CLDN5: variants seen among roughly 807,000 people sequenced by gnomAD.
CLDN5 encodes the protein claudin-5.
CLDN5 carries 4 observed loss-of-function variants against 1.3 expected under a neutral mutation model. The observed-to-expected ratio is 3.07, with a 90% CI of 1.51 to 7.03. CLDN5 has a LOEUF of 7.03. Ranked by LOEUF, CLDN5 falls within the 30% of genes most tolerant of loss-of-function variation. The pLI, the probability that CLDN5 is intolerant of heterozygous loss-of-function variation, is 0.00. For synonymous variants in CLDN5, 156 were observed against 152.3 expected, an observed-to-expected ratio of 1.02 and a Z score of -0.18; for missense variants, 225 against 303.5, an observed-to-expected ratio of 0.74 and a Z score of 1.92.
upstream of CLDN5, chr22:19,524,722 A>G: frequency 1.5e-6 from 2 of 1,294,058 alleles, no homozygotes; most frequent in Non-Finnish European, 2.0e-6. Flanking sequence ...GTCACTTCAG[A>G]AGGCGCTCGA....
upstream of CLDN5, chr22:19,525,004 C>T (rs973675423): frequency 1.0e-6 from 1 of 1,004,542 alleles, no homozygotes; most frequent in Non-Finnish European, 1.2e-6. Context: ...GCCAGGCAGG[C>T]GTGTGGAGGT....
chr22:19,523,643 G>C lies in CLDN5; in HGVS notation c.613C>G (p.Arg205Gly), dbSNP rs1380411787. 6.2e-7 allele frequency: 1 copy of C among 1,601,158 alleles called. No individual in the cohort carries two copies. The highest frequency in any genetic ancestry group is 1.3e-5 in the African/African-American group (1 of 74,802). The stretch of plus-strand genomic sequence containing the variant: ...TCGTAGTCGCCGGTGGCCGTGGGCC[G>C]CCGCGGCGCTGAGTACTTCACGGGG... Reference protein sequence around the residue: ...SFPVKYSAPRRPTATGDYDKK... With the variant: ...SFPVKYSAPRGPTATGDYDKK... The change falls in exon 1 of 1, where the codon CGG (arginine) becomes GGG (glycine). Residue 205 changes from arginine (R) to glycine (G), a missense_variant. This residue lies in a region of CLDN5 where 165 missense variants were observed against 211.9 expected (regional missense o/e 0.78). Coordinates refer to ENST00000618236, the MANE Select transcript of CLDN5 (RefSeq NM_001363066.2).
Position 19,523,911 on chromosome 22 carries a change from C to T in CLDN5, c.345G>A (p.Ala115=). The T allele has an allele frequency of 1.2e-6, 2 of 1,602,298 alleles. No homozygotes were observed. Among genetic ancestry groups the T allele is most frequent in the Non-Finnish European group, 1.7e-6 (2 of 1,177,282 alleles). The change falls in exon 1 of 1, where the codon GCG becomes GCA. Residue 115 remains alanine, a synonymous_variant. Coordinates refer to ENST00000618236, the MANE Select transcript of CLDN5 (RefSeq NM_001363066.2). ...GCACGCCTCCCGTGAGGGCCACACG[C>T]GCCTTGGCCGGGCCCGGGGCCACGC... ...TTCVAPGPAK[A]RVALTGGVLY...
chr22:19,523,524 A>C lies in CLDN5; in HGVS notation c.*75T>G. ...CGCTACCCGGCGGAAGCCGCGGTCCATGCGGGGCTCCCCAGGCTTATCCAA... is the reference window on the plus strand; with the variant it reads ...CGCTACCCGGCGGAAGCCGCGGTCCCTGCGGGGCTCCCCAGGCTTATCCAA... On this transcript the variant is annotated 3_prime_UTR_variant, in exon 1 of 1. Coordinates refer to ENST00000618236, the MANE Select transcript of CLDN5 (RefSeq NM_001363066.2). 1 of 1,481,140 alleles carries C rather than the reference A, an allele frequency of 6.8e-7. No individual in the cohort carries two copies. Among genetic ancestry groups the C allele is most frequent in the Non-Finnish European group, 8.9e-7 (1 of 1,124,496 alleles). 91.7% of individuals were successfully genotyped at this position (1,481,140 alleles called of 1,614,324 possible).
Position 19,523,709 on chromosome 22 carries a change from A to G in CLDN5, c.547T>C (p.Cys183Arg), listed in dbSNP as rs1176317662. The change falls in exon 1 of 1, where the codon TGC becomes CGC. Residue 183 changes from cysteine (C) to arginine (R), a missense_variant. This residue lies in a region of CLDN5 where 165 missense variants were observed against 211.9 expected (regional missense o/e 0.78). Coordinates refer to ENST00000618236, the MANE Select transcript of CLDN5 (RefSeq NM_001363066.2). The stretch of plus-strand genomic sequence containing the variant: ...CGGCCGGTGCAGACCCAGGCGCCGC[A>G]GCACAAGAGGCAGCCGCCTACCATG... ...LLMVGGCLLC[C>R]GAWVCTGRPD... is the part of the protein sequence containing the mutation. 1 of 1,607,592 alleles carries G rather than the reference A, an allele frequency of 6.2e-7. No individual in the cohort carries two copies. Among genetic ancestry groups the G allele is most frequent in the East Asian group, 2.2e-5 (1 of 44,758 alleles).
Position 19,523,707 on chromosome 22 carries a change from G to C in CLDN5, c.549C>G (p.Cys183Trp). The C allele has an allele frequency of 6.2e-7, 1 of 1,607,326 alleles. No homozygotes were observed. The highest frequency in any genetic ancestry group is 8.5e-7 in the Non-Finnish European group (1 of 1,178,796). ...GACGGCCGGTGCAGACCCAGGCGCC[G>C]CAGCACAAGAGGCAGCCGCCTACCA... Reference protein sequence around the residue: ...LLMVGGCLLCCGAWVCTGRPD... With the variant: ...LLMVGGCLLCWGAWVCTGRPD... Residue 183 changes from cysteine (C) to tryptophan (W), a missense_variant, in exon 1 of 1, where the codon TGC becomes TGG. Cys to Trp is a radical substitution (Grantham distance 215). This residue lies in a region of CLDN5 where 165 missense variants were observed against 211.9 expected (regional missense o/e 0.78). Transcript: ENST00000618236.
At chr22:19,524,618 A>C (rs975676022), upstream of CLDN5, 23 of 1,265,018 alleles carry the variant, frequency 1.8e-5, 1 homozygote, top group South Asian at 4.8e-4. Context: ...AGCCGCCCCC[A>C]GCCCCACCCG....
At chr22:19,524,874 G>GT, upstream of CLDN5, 1 of 1,098,832 alleles carries the variant, frequency 9.1e-7, no homozygotes, top group Non-Finnish European at 1.1e-6. Context: ...CTCGTAGGGG[G>GT]GCTCTCCAGA....
upstream of CLDN5, chr22:19,524,819 C>A: frequency 8.4e-7 from 1 of 1,196,742 alleles, no homozygotes; most frequent in Non-Finnish European, 1.0e-6. Context: ...ACTTCCCTGA[C>A]CAAGGTTTGC....
rs1415349755 is a variant in CLDN5 at position 19,524,312 on chromosome 22, C to A, written c.-57G>T. On this transcript the variant is annotated 5_prime_UTR_variant, in exon 1 of 1. Transcript: ENST00000618236. Reference sequence around the variant, plus strand: ...GCAGAACCCCCAAGGCCGTGCTGCGCGGCGCCCTGGGCGGGCCCTGGTGCC... The same window carrying A: ...GCAGAACCCCCAAGGCCGTGCTGCGAGGCGCCCTGGGCGGGCCCTGGTGCC... 1 of 1,522,138 alleles carries A rather than the reference C, an allele frequency of 6.6e-7. No individual in the cohort carries two copies. Among genetic ancestry groups the A allele is most frequent in the Non-Finnish European group, 8.8e-7 (1 of 1,133,572 alleles). 94.3% of individuals were successfully genotyped at this position (1,522,138 alleles called of 1,614,324 possible).
rs767964956 is a variant in CLDN5 at position 19,524,202 on chromosome 22, C to G, written c.54G>C (p.Trp18Cys). The change falls in exon 1 of 1, where the codon TGG becomes TGC. Residue 18 changes from tryptophan (W) to cysteine (C), a missense_variant. Transcript: ENST00000618236. ...ILGLVLCLVG[W>C]GGLILACGLP... The stretch of plus-strand genomic sequence containing the variant: ...GCCCGCACGCCAGGATCAGACCCCC[C>G]CAGCCCACCAGGCACAGCACCAGGC... The G allele has an allele frequency of 6.2e-7, 1 of 1,604,814 alleles. No homozygotes were observed. The highest frequency in any genetic ancestry group is 1.1e-5 in the South Asian group (1 of 89,748).
chr22:19,525,337 C>T, upstream of CLDN5: 2 of 998,510 alleles, frequency 2.0e-6, no homozygotes, highest in African/African-American at 3.5e-5. Context: ...ACAGGAGAGA[C>T]AAAGGGACAC....
At chr22:19,525,331 G>C, upstream of CLDN5, 1 of 998,642 alleles carries the variant, frequency 1.0e-6, no homozygotes, top group South Asian at 4.7e-5. Context: ...CTTCAGACAG[G>C]AGAGACAAAG....
chr22:19,524,834 GC>G, upstream of CLDN5: 1 of 1,171,356 alleles, frequency 8.5e-7, no homozygotes, highest in Non-Finnish European at 1.1e-6. Flanking sequence ...GTTTGCAGAA[GC>G]CCCCCACCCC....
At chr22:19,525,130 C>T (rs903180350), upstream of CLDN5, 1 of 1,000,642 alleles carries the variant, frequency 1.0e-6, no homozygotes, top group Non-Finnish European at 1.2e-6. Flanking sequence ...CCCCCACTCT[C>T]CCAAGCCGCA....
rs773702236 is a variant in CLDN5, at chr22:19,524,321, G to C, written c.-66C>G. 6.6e-7 allele frequency: 1 copy of C among 1,510,940 alleles called. No homozygotes were observed. The highest frequency in any genetic ancestry group is 1.3e-5 in the South Asian group (1 of 78,832). The allele number at this position is 1,510,940 out of a possible 1,614,324, so 93.6% of individuals were successfully genotyped here. On this transcript the variant is annotated 5_prime_UTR_variant, in exon 1 of 1. Coordinates refer to ENST00000618236, the MANE Select transcript of CLDN5 (RefSeq NM_001363066.2). The stretch of plus-strand genomic sequence containing the variant: ...CCAAGGCCGTGCTGCGCGGCGCCCT[G>C]GGCGGGCCCTGGTGCCTTTGCGCCC...
In CLDN5 at chr22:19,523,394, G is replaced by T; in HGVS notation, c.*205C>A. 1.6e-6 allele frequency: 1 copy of T among 640,636 alleles called. No homozygotes were observed. Among genetic ancestry groups the T allele is most frequent in the South Asian group, 2.2e-5 (1 of 45,822 alleles). The allele number at this position is 640,636 out of a possible 1,614,324, so 39.7% of individuals were successfully genotyped here. A position where few individuals can be genotyped will look rare whatever the true frequency, so the allele number is the denominator to read the frequency against. On this transcript the variant is annotated 3_prime_UTR_variant, in exon 1 of 1. Transcript: ENST00000618236. ...ACTTCATTCCGTCTGTTAAGGGCAG[G>T]GCCGGGCTAGTGGCAGGAGAAGGTC...
In CLDN5 at chr22:19,523,823, G is replaced by T; in HGVS notation, c.433C>A (p.Arg145Ser). The change falls in exon 1 of 1, where the codon CGC (arginine) becomes AGC (serine). Residue 145 changes from arginine to serine, a missense_variant. By Grantham distance (110) the Arg-to-Ser change is moderately radical. Around this residue, in one of 3 missense-constraint regions of CLDN5, gnomAD observed 165 missense variants for 211.9 expected, o/e 0.78. Transcript: ENST00000618236. ...GGCACAGACGGGTCGTAAAACTCGC[G>T]GACGACAATGTTGGCGAACCAGCAG... is the stretch of plus-strand genomic sequence containing the variant. ...PLCWFANIVVREFYDPSVPVS... is the reference protein window; with the variant it reads ...PLCWFANIVVSEFYDPSVPVS... 6.2e-7 allele frequency: 1 copy of T among 1,609,470 alleles called. No individual in the cohort carries two copies. Among genetic ancestry groups the T allele is most frequent in the Non-Finnish European group, 8.5e-7 (1 of 1,178,600 alleles).
In CLDN5 at chr22:19,524,392, C is replaced by A; in HGVS notation, c.-137G>T. On this transcript the variant is annotated 5_prime_UTR_variant, in exon 1 of 1. Coordinates refer to ENST00000618236, the MANE Select transcript of CLDN5 (RefSeq NM_001363066.2). ...CAGTCCGTTTGCCCCGCGGGTCTGTCGCACCTCCTGGGTCTGCCAGCTCCT... is the reference window on the plus strand; with the variant it reads ...CAGTCCGTTTGCCCCGCGGGTCTGTAGCACCTCCTGGGTCTGCCAGCTCCT... 6.8e-7 allele frequency: 1 copy of A among 1,464,776 alleles called. No individual in the cohort carries two copies. The highest frequency in any genetic ancestry group is 9.0e-7 in the Non-Finnish European group (1 of 1,107,294). 90.7% of individuals were successfully genotyped at this position (1,464,776 alleles called of 1,614,324 possible). A position where few individuals can be genotyped will look rare whatever the true frequency, so the allele number is the denominator to read the frequency against.
Sources: gnomAD v4.1 joint callset for allele counts on GRCh38, gnomAD v4.1.1 for gene constraint, gnomAD v4.1.1 regional missense constraint, MANE v1.5 for transcripts, NCBI Gene and HGNC (gene_info 2026-07-23, HGNC 2026-07-21) for gene names.